The following CAST variants were observed in gnomAD, a reference collection of about 807,000 sequenced individuals.
CAST encodes calpastatin.
CAST carries 76 observed loss-of-function variants against 119.6 expected under a neutral mutation model. That is an observed-to-expected ratio of 0.64 (90% CI 0.53 to 0.77). CAST has a LOEUF of 0.77. CAST is among the 30% of genes least tolerant of loss of function. The pLI, the probability that CAST is intolerant of heterozygous loss-of-function variation, is 0.00. For missense variants in CAST, 953 were observed against 946.5 expected, an observed-to-expected ratio of 1.01 and a Z score of -0.09; for synonymous variants, 319 against 331.6, an observed-to-expected ratio of 0.96 and a Z score of 0.41.
the CAST span, among the ~76,000 whole-genome samples, chr5:96,442,022 A>G: frequency 2.0e-5 from 3 of 152,162 alleles, no homozygotes; most frequent in Non-Finnish European, 4.4e-5. Context: ...TCACTACACC[A>G]TTATTACCAT....
intron 16 of CAST, among the ~76,000 whole-genome samples, chr5:96,744,782 C>T (rs1763407901): frequency 6.6e-6 from 1 of 152,076 alleles, no homozygotes; most frequent in South Asian, 2.1e-4. Context: ...CCAGCATACC[C>T]CAGAATAGAG....
the CAST span, chr5:96,393,473 G>A: frequency 6.9e-5 from 96 of 1,393,942 alleles, 1 homozygote; most frequent in Non-Finnish European, 9.1e-5. Flanking sequence ...GCTGCCTGCC[G>A]CTTGAGAGGC....
chr5:96,336,228 C>T, the CAST span, among the ~76,000 whole-genome samples: 7 of 152,294 alleles, frequency 4.6e-5, no homozygotes, highest in South Asian at 1.5e-3. Context: ...GGCAGTAGTT[C>T]TCTGCAAGTC....
chr5:96,741,754 G>A (rs373966895), intron 15 of CAST, 174 bp downstream of exon 15: 179 of 566,386 alleles, frequency 3.2e-4, no homozygotes, highest in African/African-American at 3.1e-3. Context: ...GGCAAGCCTT[G>A]TGTGTTTCTG....
chr5:96,621,517 G>GGA lies in CAST; in HGVS notation c.61-54012_61-54011dup, dbSNP rs528244805. ...AGCAGGCATGTCTCATATCGCAGCA[G>GGA]GAGAGAGAGAGTGTGTGTGAAGGAG... On this transcript the variant is annotated intron_variant, in intron 1 of 11. Transcript: ENST00000505143. Among the ~76,000 whole-genome samples, 31 of 152,244 alleles carry GGA rather than the reference G, an allele frequency of 2.0e-4. No homozygotes were observed. The South Asian group carries it at 5.4e-3, about 26-fold the overall frequency.
At chr5:96,733,145 A>G (rs781149744) in intron 9 of CAST, among the ~76,000 whole-genome samples, 2 of 152,306 alleles carry the variant, frequency 1.3e-5, no homozygotes, top group Middle Eastern at 3.4e-3. Flanking sequence ...CATTTACAAA[A>G]ACTTTTAAAT....
chr5:96,600,139 A>T (rs1407799257), intron 1 of CAST, among the ~76,000 whole-genome samples: 1 of 152,204 alleles, frequency 6.6e-6, no homozygotes, highest in Non-Finnish European at 1.5e-5. Flanking sequence ...TAAGAAAAAA[A>T]GGTATGGTTT....
chr5:96,179,811 T>G, the CAST span, among the ~76,000 whole-genome samples: 1 of 151,812 alleles, frequency 6.6e-6, no homozygotes, highest in Non-Finnish European at 1.5e-5. Flanking sequence ...CCGAGGCGGG[T>G]GGATCACGAG....
chr5:96,499,745 A>G, the CAST span, among the ~76,000 whole-genome samples: 1 of 152,198 alleles, frequency 6.6e-6, no homozygotes, highest in East Asian at 1.9e-4. Flanking sequence ...CTGCTTTATC[A>G]ACTACATTTC....
the CAST span, among the ~76,000 whole-genome samples, chr5:96,219,662 C>T: frequency 6.7e-6 from 1 of 150,132 alleles, no homozygotes; most frequent in African/African-American, 2.5e-5. Flanking sequence ...CAAAGTGCGG[C>T]CTTGTCTCAA....
chr5:96,064,346 C>T, the CAST span, among the ~76,000 whole-genome samples: 1 of 152,082 alleles, frequency 6.6e-6, no homozygotes, highest in Non-Finnish European at 1.5e-5. Flanking sequence ...CTCTCATAAA[C>T]CTAGAGTTTC....
intron 1 of CAST, among the ~76,000 whole-genome samples, chr5:96,595,655 T>C (rs139917031): frequency 1.5e-3 from 221 of 151,814 alleles, no homozygotes; most frequent in African/African-American, 5.1e-3. Flanking sequence ...GAACCTGAAA[T>C]GGATAGGGAG....
chr5:96,509,158 C>T, the CAST span, among the ~76,000 whole-genome samples: 10 of 152,150 alleles, frequency 6.6e-5, no homozygotes, highest in Non-Finnish European at 1.3e-4. Flanking sequence ...TTTAAATAAT[C>T]TCTGTCACAC....
At chr5:96,417,277 G>C in the CAST span, among the ~76,000 whole-genome samples, 1 of 152,088 alleles carries the variant, frequency 6.6e-6, no homozygotes, top group Non-Finnish European at 1.5e-5. Context: ...TAAGATTCCT[G>C]CTCCTTCATG....
At chr5:96,592,271 T>G (rs1428949903) in intron 1 of CAST, among the ~76,000 whole-genome samples, 1 of 151,782 alleles carries the variant, frequency 6.6e-6, no homozygotes, top group Admixed American at 6.6e-5. Context: ...TGTGGTGATG[T>G]GCGCCTTTGG....
chr5:96,219,939 T>C, the CAST span, among the ~76,000 whole-genome samples: 1 of 152,142 alleles, frequency 6.6e-6, no homozygotes. Flanking sequence ...TGTACAAAGG[T>C]TTTAAGGTCA....
chr5:96,332,102 A>C, the CAST span, among the ~76,000 whole-genome samples: 2 of 152,232 alleles, frequency 1.3e-5, no homozygotes, highest in African/African-American at 4.8e-5. Flanking sequence ...GTTGTAAAAG[A>C]GGAAAATCAA....
At chr5:96,305,956 T>C in the CAST span, among the ~76,000 whole-genome samples, 1 of 152,256 alleles carries the variant, frequency 6.6e-6, no homozygotes, top group Non-Finnish European at 1.5e-5. Flanking sequence ...ATCAGGATGA[T>C]ACTGGCCTCA....
chr5:96,257,925 A>ATACAAAGT, the CAST span, among the ~76,000 whole-genome samples: 1 of 152,212 alleles, frequency 6.6e-6, no homozygotes, highest in Admixed American at 6.5e-5. Context: ...GATAAATTTC[A>ATACAAAGT]TACAAAGTCA....
Sources: allele counts gnomAD v4.1 joint callset (sites outside exome capture counted in the v4.1 genomes callset), GRCh38; gene constraint gnomAD v4.1.1; transcripts MANE v1.5; gene names NCBI Gene and HGNC (gene_info 2026-07-23, HGNC 2026-07-21).